The following COL4A6 variants were observed in gnomAD, a reference collection of about 807,000 sequenced individuals.
The protein encoded by COL4A6 is collagen alpha-6(IV) chain.
In COL4A6, 59 loss-of-function variants were observed where a neutral mutation model predicts 126.7. The observed-to-expected ratio is 0.47, with a 90% confidence interval of 0.38 to 0.58. The LOEUF (loss-of-function observed/expected upper bound fraction) is 0.58. Ranked by LOEUF, COL4A6 falls within the 20% of genes least tolerant of loss-of-function variation. The pLI is 0.00. For synonymous variants in COL4A6, 547 were observed against 496.6 expected, an observed-to-expected ratio of 1.10 and a Z score of -1.35; for missense variants, 1,285 against 1,337.3, an observed-to-expected ratio of 0.96 and a Z score of 0.61.
At chrX:108,185,457 C>T (rs761376224) in intron 23 of COL4A6, among the ~76,000 whole-genome samples, 3 of 109,904 alleles carry the variant, frequency 2.7e-5, no homozygotes, top group South Asian at 3.9e-4. Flanking sequence ...TATATTGACT[C>T]GGTTTAAAGA....
chrX:108,294,776 G>A (rs1232945386), intron 3 of COL4A6, among the ~76,000 whole-genome samples: 1 of 111,154 alleles, frequency 9.0e-6, no homozygotes. Context: ...ATTCCCCAGG[G>A]CTACTGTGAA....
At chrX:108,280,202 A>G (rs1445793849) in intron 3 of COL4A6, among the ~76,000 whole-genome samples, 1 of 111,587 alleles carries the variant, frequency 9.0e-6, no homozygotes, top group Non-Finnish European at 1.9e-5. Context: ...AACGAATCCA[A>G]GAGCTGGTTT....
At chrX:108,349,850 AT>A (rs1308104229) in intron 2 of COL4A6, among the ~76,000 whole-genome samples, 1 of 111,530 alleles carries the variant, frequency 9.0e-6, no homozygotes, top group Non-Finnish European at 1.9e-5. Context: ...CCTAACATTT[AT>A]TTTCGTCTAT....
chrX:108,393,989 G>A lies in COL4A6; in HGVS notation c.63+43953C>T, dbSNP rs187165718. The stretch of plus-strand genomic sequence containing the variant: ...ACACATGCACACGTATGTTTATGGC[G>A]GCACTGTTCACAATAGCAAAGACTT... On this transcript the variant is annotated intron_variant, in intron 2 of 44. Transcript: ENST00000334504. Among the ~76,000 whole-genome samples the A allele has an allele frequency of 1.6e-4, 18 of 111,639 alleles. No homozygotes were observed. The East Asian group carries it at 4.2e-3, about 26-fold the overall frequency.
At chrX:108,195,248 C>T (rs762913889) in intron 14 of COL4A6, 122 bp from the exon 15 acceptor site, 1 of 506,459 alleles carries the variant, frequency 2.0e-6, no homozygotes, top group East Asian at 3.6e-5. Flanking sequence ...ATCAGGTAAG[C>T]GAATGTTCCT....
At chrX:108,284,399 T>G (rs1173792895) in intron 3 of COL4A6, among the ~76,000 whole-genome samples, 1 of 111,387 alleles carries the variant, frequency 9.0e-6, no homozygotes, top group East Asian at 2.8e-4. Flanking sequence ...CCATGGCACA[T>G]GTATACCTAT....
intron 2 of COL4A6, among the ~76,000 whole-genome samples, chrX:108,343,165 A>ATATATTGTGTGT (rs1377817612): frequency 6.4e-5 from 2 of 31,414 alleles, no homozygotes; most frequent in African/African-American, 1.8e-4. Context: ...ATATATATAT[A>ATATATTGTGTGT]GTGTGTGTGT....
chrX:108,168,617 C>T (rs745609934), intron 37 of COL4A6, among the ~76,000 whole-genome samples: 2 of 111,960 alleles, frequency 1.8e-5, no homozygotes, highest in Non-Finnish European at 3.8e-5. Context: ...TATCTTACCT[C>T]GTTCCTCATT....
At chrX:108,420,854 T>C (rs369646433) in intron 2 of COL4A6, among the ~76,000 whole-genome samples, 1 of 111,784 alleles carries the variant, frequency 8.9e-6, no homozygotes, top group East Asian at 2.8e-4. Flanking sequence ...TGTTGACGCT[T>C]TCATTTGTCA....
At position 108,408,253 on chromosome X, in the gene COL4A6, T is replaced by G. The variant is rs542116225; in HGVS notation, c.63+29689A>C. ...ATTGCTTGGGCCTGGGAGGCAGAGG[T>G]TGCTGTTTGCAATGAGTGGAGACAA... On this transcript the variant is annotated intron_variant, in intron 2 of 44. Coordinates refer to ENST00000334504, the MANE Select transcript of COL4A6 (RefSeq NM_033641.4). 1.6e-4 allele frequency among the ~76,000 whole-genome samples: 17 copies of G among 109,654 alleles called. No homozygotes were observed. The South Asian group carries it at 6.3e-3, about 41-fold the overall frequency.
chrX:108,343,041 T>C (rs1397458547), intron 2 of COL4A6, among the ~76,000 whole-genome samples: 1 of 106,097 alleles, frequency 9.4e-6, no homozygotes, highest in Non-Finnish European at 1.9e-5. Flanking sequence ...TGTGTGTAGA[T>C]ATGAAGTTCA....
intron 2 of COL4A6, among the ~76,000 whole-genome samples, chrX:108,376,273 A>G (rs1472371728): frequency 9.0e-6 from 1 of 111,409 alleles, no homozygotes; most frequent in Admixed American, 9.6e-5. Context: ...GAGAATCTGA[A>G]CCATAAGCCA....
Position 108,160,629 on chromosome X carries a change from G to C in COL4A6, c.4359C>G (p.Phe1453Leu). 1 of 1,209,276 alleles carries C rather than the reference G, an allele frequency of 8.3e-7. No homozygotes were observed. The highest frequency in any genetic ancestry group is 1.1e-6 in the Non-Finnish European group (1 of 894,367). ...TCTGGCCAGGCATTCCAGGCATCCC[G>C]AAGGGGCCTTGCTGCCCTGGAGCTC... ...FEGAPGQQGP[F>L]GMPGMPGQSM... The change falls in exon 43 of 45, where the codon TTC (phenylalanine) becomes TTG (leucine). Residue 1453 changes from phenylalanine to leucine, a missense_variant. Coordinates refer to ENST00000334504, the MANE Select transcript of COL4A6 (RefSeq NM_033641.4).
chrX:108,405,227 C>T (rs1012756463), intron 2 of COL4A6, among the ~76,000 whole-genome samples: 3 of 107,093 alleles, frequency 2.8e-5, no homozygotes, highest in Non-Finnish European at 5.8e-5. Context: ...AAGCGGAGTT[C>T]TCCCTCTTTC....
chrX:108,359,991 A>G (rs1435538582), intron 2 of COL4A6, among the ~76,000 whole-genome samples: 1 of 112,112 alleles, frequency 8.9e-6, no homozygotes. Flanking sequence ...TTAACCTTGG[A>G]AGAGAAGTAA....
rs760685261 is a variant in COL4A6, at chrX:108,416,817, G to A, written c.63+21125C>T. Reference sequence around the variant, plus strand: ...GCCTGATACCTTGTTGGGTGTAGAAGGGCACAATCAATGAGGATTAAGATC... The same window carrying A: ...GCCTGATACCTTGTTGGGTGTAGAAAGGCACAATCAATGAGGATTAAGATC... On this transcript the variant is annotated intron_variant, in intron 2 of 44. Coordinates refer to ENST00000334504, the MANE Select transcript of COL4A6 (RefSeq NM_033641.4). Among the ~76,000 whole-genome samples, 4 of 111,762 alleles carry A rather than the reference G, an allele frequency of 3.6e-5. No homozygotes were observed. In the South Asian group the frequency reaches 1.1e-3, roughly 32 times the overall value.
chrX:108,322,747 T>C (rs745306702), intron 2 of COL4A6, among the ~76,000 whole-genome samples: 1 of 112,086 alleles, frequency 8.9e-6, no homozygotes, highest in East Asian at 2.8e-4. Flanking sequence ...ATAGGGAGCA[T>C]GTGAGGAATA....
At chrX:108,161,171 C>G (rs1232274968) in intron 42 of COL4A6, among the ~76,000 whole-genome samples, 1 of 111,843 alleles carries the variant, frequency 8.9e-6, no homozygotes, top group Non-Finnish European at 1.9e-5. Context: ...GTTCTCTACT[C>G]AGGACAACTA....
rs141862631 is a variant in COL4A6 at position 108,284,839 on chromosome X, C to T, written c.144+25909G>A. Among the ~76,000 whole-genome samples, 211 of 112,098 alleles carry T rather than the reference C, an allele frequency of 1.9e-3. 1 individual carries two copies. The East Asian group carries it at 0.055, about 29-fold the overall frequency. ...TTTTTCGAGTTCATAAAGCATCAAGCTTCAAACGTGCCTCCATGTCTAACA... is the reference window on the plus strand; with the variant it reads ...TTTTTCGAGTTCATAAAGCATCAAGTTTCAAACGTGCCTCCATGTCTAACA... On this transcript the variant is annotated intron_variant, in intron 3 of 44. Transcript: ENST00000334504.
Sources: gnomAD v4.1 joint callset for allele counts (sites outside exome capture counted in the v4.1 genomes callset) on GRCh38, gnomAD v4.1.1 for gene constraint, MANE v1.5 for transcripts, NCBI Gene and HGNC (gene_info 2026-07-23, HGNC 2026-07-21) for gene names.